Variants in PGM1 observed in about 807,000 individuals in gnomAD.
The protein encoded by PGM1 is phosphoglucomutase-1.
In PGM1, 52 loss-of-function variants were observed where a neutral mutation model predicts 55.6. The observed-to-expected ratio is 0.94, with a 90% CI of 0.75 to 1.18. The LOEUF (loss-of-function observed/expected upper bound fraction) is 1.18, where lower values mean the gene tolerates loss of function less well. Among genes scored for constraint, PGM1 ranks in the 50% most tolerant of loss-of-function variants. The probability of loss-of-function intolerance (pLI) is 0.00; values close to 1 mark genes in which losing one functional copy is unlikely to be tolerated. For synonymous variants in PGM1, 287 were observed against 271.7 expected (o/e 1.06, Z -0.55); for missense variants, 724 against 729.3 (o/e 0.99, Z 0.08).
chr1:63,607,344 A>G (rs1158418457), intron 1 of PGM1, among the ~76,000 whole-genome samples: 1 of 152,182 alleles, frequency 6.6e-6, no homozygotes, highest in Non-Finnish European at 1.5e-5. Flanking sequence ...TGTCCTGAGC[A>G]TGGGAGGGTT....
At chr1:63,639,723 G>C (rs1182266485) in intron 7 of PGM1, among the ~76,000 whole-genome samples, 3 of 152,106 alleles carry the variant, frequency 2.0e-5, no homozygotes, top group Non-Finnish European at 4.4e-5. Context: ...TCAAAATCAA[G>C]CATTCTCTCA....
intron 7 of PGM1, among the ~76,000 whole-genome samples, chr1:63,642,986 A>G (rs780739157): frequency 1.1e-4 from 17 of 152,162 alleles, no homozygotes; most frequent in Non-Finnish European, 1.3e-4. Context: ...CAGGTGTGCA[A>G]AGCAATAGAA....
chr1:63,642,172 G>A (rs541667620), intron 7 of PGM1, among the ~76,000 whole-genome samples: 1 of 152,314 alleles, frequency 6.6e-6, no homozygotes, highest in Non-Finnish European at 1.5e-5. Context: ...GCAAAGAGGT[G>A]CAAAGGAGTC....
chr1:63,655,838 A>G (rs1304376210), intron 10 of PGM1: 1 of 152,496 alleles, frequency 6.6e-6, no homozygotes, highest in African/African-American at 2.4e-5. Context: ...GTTCTGGGCT[A>G]TAGTGTGCTA....
chr1:63,659,553 T>TG lies in PGM1; in HGVS notation c.1600-32dup, dbSNP rs748659814. 4.5e-5 allele frequency: 69 copies of TG among 1,539,438 alleles called. 2 individuals are homozygous for TG. Among genetic ancestry groups the TG allele is most frequent in the Non-Finnish European group, 6.1e-5 (68 of 1,112,126 alleles). ...GCTAAGCATCTGTGTTTAGAGGAAG[T>TG]GATGGAAAAGCTTCTCTCTATGTCT... On this transcript the variant is annotated intron_variant, in intron 10 of 10. Coordinates refer to ENST00000371084, the MANE Select transcript of PGM1 (RefSeq NM_002633.3).
chr1:63,617,095 T>C (rs1265953386), intron 1 of PGM1, among the ~76,000 whole-genome samples: 1 of 152,108 alleles, frequency 6.6e-6, no homozygotes, highest in Non-Finnish European at 1.5e-5. Context: ...GGTGAGAAAA[T>C]AGAGGCACAA....
At chr1:63,594,649 TG>T (rs1199474653) in intron 1 of PGM1, among the ~76,000 whole-genome samples, 1 of 150,944 alleles carries the variant, frequency 6.6e-6, no homozygotes, top group Non-Finnish European at 1.5e-5. Flanking sequence ...ATCTGATATA[TG>T]GAAATGTGGG....
At chr1:63,648,266 A>G (rs1350439519) in intron 7 of PGM1, among the ~76,000 whole-genome samples, 2 of 152,198 alleles carry the variant, frequency 1.3e-5, no homozygotes, top group African/African-American at 4.8e-5. Flanking sequence ...CCTTCTTCAC[A>G]TGGCTGCAGG....
Position 63,629,550 on chromosome 1 carries a change from T to A in PGM1, c.372T>A (p.Asn124Lys). 6.2e-7 allele frequency: 1 copy of A among 1,613,638 alleles called. No homozygotes were observed. The highest frequency in any genetic ancestry group is 8.5e-7 in the Non-Finnish European group (1 of 1,179,692). The change falls in exon 2 of 11, where the codon AAT becomes AAA. Residue 124 changes from asparagine (N) to lysine (K), a missense_variant. Physicochemically the swap from Asn to Lys is moderately conservative, Grantham distance 94 (BLOSUM62 0). Transcript: ENST00000371084. ...CCAGTCACAACCCAGGGGGCCCCAATGGAGATTTTGGAATCAAATTCAATA... is the reference window on the plus strand; with the variant it reads ...CCAGTCACAACCCAGGGGGCCCCAAAGGAGATTTTGGAATCAAATTCAATA... ...LTASHNPGGP[N>K]GDFGIKFNIS...
At chr1:63,627,310 G>T (rs1232487062) in intron 1 of PGM1, among the ~76,000 whole-genome samples, 5 of 152,078 alleles carry the variant, frequency 3.3e-5, no homozygotes, top group Admixed American at 2.6e-4. Flanking sequence ...ACAGAATTAT[G>T]ATTTAGAAAG....
Position 63,633,016 on chromosome 1 carries a change from C to T in PGM1, c.682+1234C>T, listed in dbSNP as rs565189773. Among the ~76,000 whole-genome samples the T allele has an allele frequency of 1.5e-4, 23 of 152,228 alleles. No homozygotes were observed. In the South Asian group the frequency reaches 3.9e-3, roughly 26 times the overall value. ...CCAGCCTGGGCGACAAAGCAAGACT[C>T]CGTCTCAAAAAAACAAAAAATCCCT... On this transcript the variant is annotated intron_variant, in intron 4 of 10. Transcript: ENST00000371084.
At chr1:63,634,348 C>T (rs1417753369) in intron 4 of PGM1, among the ~76,000 whole-genome samples, 1 of 152,108 alleles carries the variant, frequency 6.6e-6, no homozygotes, top group Non-Finnish European at 1.5e-5. Flanking sequence ...GTTAGCATTA[C>T]TACCCTCATT....
At position 63,611,788 on chromosome 1, in the gene PGM1, A is replaced by AGCTATTC. The variant is rs569723537; in HGVS notation, c.247-17635_247-17629dup. Among the ~76,000 whole-genome samples, 869 of 152,274 alleles carry AGCTATTC rather than the reference A, an allele frequency of 5.7e-3. 4 individuals are homozygous for AGCTATTC. The highest frequency in any genetic ancestry group is 0.02 in the African/African-American group (839 of 41,544). On this transcript the variant is annotated intron_variant, in intron 1 of 10. Coordinates refer to ENST00000371084, the MANE Select transcript of PGM1 (RefSeq NM_002633.3). ...TGTGGTGGCACATGCCTGTAGTCCC[A>AGCTATTC]GCTATTCGGGAGGCTGAGGCAGGAG...
rs767124600 is a variant in PGM1 at position 63,648,507 on chromosome 1, C to G, written c.1145-10C>G. Reference sequence around the variant, plus strand: ...ACGTTTCTTACAGCAGCTTGCTGTCCCCCCTCCAGGTTCTGACCACATCCG... The same window carrying G: ...ACGTTTCTTACAGCAGCTTGCTGTCGCCCCTCCAGGTTCTGACCACATCCG... On this transcript the variant is annotated splice_polypyrimidine_tract_variant and intron_variant, in intron 7 of 10. Transcript: ENST00000371084. 1.2e-6 allele frequency: 2 copies of G among 1,614,000 alleles called. No homozygotes were observed. The highest frequency in any genetic ancestry group is 1.7e-6 in the Non-Finnish European group (2 of 1,179,954).
In PGM1 at chr1:63,629,969, A is replaced by C; in HGVS notation, c.437A>C (p.Lys146Thr). ...GGPAPEAITD[K>T]IFQISKTIEE... ...CCTGCTCCAGAAGCAATAACTGATA[A>C]AATTTTCCAAATCAGCAAGACAATT... The change falls in exon 3 of 11, where the codon AAA (lysine) becomes ACA (threonine). Residue 146 changes from lysine (K) to threonine (T), a missense_variant. Transcript: ENST00000371084. 6.2e-7 allele frequency: 1 copy of C among 1,614,044 alleles called. No homozygotes were observed. Among genetic ancestry groups the C allele is most frequent in the South Asian group, 1.1e-5 (1 of 91,074 alleles).
At chr1:63,635,553 G>A (rs1649340642) in intron 5 of PGM1, among the ~76,000 whole-genome samples, 1 of 152,176 alleles carries the variant, frequency 6.6e-6, no homozygotes, top group African/African-American at 2.4e-5. Context: ...TACCAGACAA[G>A]GAAGAGATGT....
intron 5 of PGM1, among the ~76,000 whole-genome samples, chr1:63,635,250 C>T (rs906947715): frequency 3.3e-5 from 5 of 152,090 alleles, no homozygotes; most frequent in South Asian, 2.1e-4. Flanking sequence ...AACAATGGCA[C>T]GATGATTAGG....
intron 7 of PGM1, 99 bp downstream of exon 7, chr1:63,638,899 G>A (rs755658219): frequency 1.8e-5 from 16 of 869,864 alleles, no homozygotes; most frequent in South Asian, 2.6e-5. Flanking sequence ...AACGGTAGCC[G>A]ATGTGTCCTA....
chr1:63,627,548 AC>A (rs1251677536), intron 1 of PGM1, among the ~76,000 whole-genome samples: 2 of 152,100 alleles, frequency 1.3e-5, no homozygotes, highest in African/African-American at 4.8e-5. Flanking sequence ...GAGTTCTTCC[AC>A]CAGATGTACC....
Sources: allele counts gnomAD v4.1 joint callset (sites outside exome capture counted in the v4.1 genomes callset), GRCh38; gene constraint gnomAD v4.1.1; transcripts MANE v1.5; gene names NCBI Gene and HGNC (gene_info 2026-07-23, HGNC 2026-07-21).